Variants in ADARB2 observed in about 807,000 individuals in gnomAD.
The protein encoded by ADARB2 is adenosine deaminase RNA specific B2 (inactive).
ADARB2 carries 25 observed loss-of-function variants against 62.2 expected under a neutral mutation model. That is an observed-to-expected ratio of 0.40 (90% CI 0.29 to 0.56). ADARB2 has a LOEUF of 0.56. Among genes scored for constraint, ADARB2 ranks in the 20% least tolerant of loss-of-function variants. The probability of loss-of-function intolerance (pLI) is 0.43; values close to 1 mark genes in which losing one functional copy is unlikely to be tolerated. For missense variants in ADARB2, 1,071 were observed against 1,077.4 expected, an observed-to-expected ratio of 0.99 and a Z score of 0.08; for synonymous variants, 572 against 500.8, an observed-to-expected ratio of 1.14 and a Z score of -1.90.
chr10:1,636,153 G>C (rs574965909), intron 1 of ADARB2, among the ~76,000 whole-genome samples: 52 of 152,208 alleles, frequency 3.4e-4, no homozygotes, highest in African/African-American at 1.2e-3. Flanking sequence ...AGCGAGTTGA[G>C]GGGGGTGCAA....
intron 5 of ADARB2, among the ~76,000 whole-genome samples, chr10:1,234,918 T>G: frequency 6.6e-6 from 1 of 151,994 alleles, no homozygotes; most frequent in Non-Finnish European, 1.5e-5. Context: ...CCAGCTAATT[T>G]TTGTATTTTT....
At chr10:1,692,985 C>T (rs1405364913) in intron 1 of ADARB2, among the ~76,000 whole-genome samples, 1 of 152,156 alleles carries the variant, frequency 6.6e-6, no homozygotes, top group Admixed American at 6.5e-5. Context: ...ACTGGACCTC[C>T]CCACCCTCCA....
At chr10:1,499,663 C>T (rs556376878) in intron 1 of ADARB2, among the ~76,000 whole-genome samples, 2 of 151,978 alleles carry the variant, frequency 1.3e-5, no homozygotes, top group East Asian at 3.9e-4. Flanking sequence ...ACTCATTACT[C>T]GTCACTCACC....
chr10:1,720,370 C>T (rs994067780), intron 1 of ADARB2, among the ~76,000 whole-genome samples: 2 of 152,140 alleles, frequency 1.3e-5, no homozygotes, highest in Non-Finnish European at 2.9e-5. Context: ...ACTGGGAACA[C>T]TAGAAGGGTC....
chr10:1,372,139 G>T (rs1254540102), intron 2 of ADARB2, among the ~76,000 whole-genome samples: 1 of 152,154 alleles, frequency 6.6e-6, no homozygotes, highest in Non-Finnish European at 1.5e-5. Context: ...CATAAAAAAG[G>T]GTAAAATTAT....
chr10:1,693,565 G>T (rs1319243790), intron 1 of ADARB2, among the ~76,000 whole-genome samples: 1 of 152,124 alleles, frequency 6.6e-6, no homozygotes, highest in African/African-American at 2.4e-5. Context: ...CTGTGATATT[G>T]TTTTCCAAAA....
chr10:1,554,795 G>A (rs1301317158), intron 1 of ADARB2, among the ~76,000 whole-genome samples: 2 of 152,040 alleles, frequency 1.3e-5, no homozygotes, highest in Non-Finnish European at 2.9e-5. Context: ...GGTTGTTACC[G>A]GGGTATACTG....
intron 1 of ADARB2, among the ~76,000 whole-genome samples, chr10:1,554,121 G>A (rs1175244991): frequency 1.3e-5 from 2 of 152,132 alleles, no homozygotes; most frequent in Non-Finnish European, 2.9e-5. Flanking sequence ...CATCTCAGCG[G>A]CCCTATTTCT....
intron 1 of ADARB2, among the ~76,000 whole-genome samples, chr10:1,681,205 A>G (rs1326123062): frequency 1.3e-5 from 2 of 152,174 alleles, no homozygotes; most frequent in African/African-American, 4.8e-5. Flanking sequence ...TAGCTGATTT[A>G]TTTTGCTCAG....
intron 3 of ADARB2, among the ~76,000 whole-genome samples, chr10:1,324,934 G>C (rs1248202055): frequency 1.3e-5 from 2 of 152,210 alleles, no homozygotes; most frequent in Non-Finnish European, 2.9e-5. Flanking sequence ...GAGGCGTTGT[G>C]CTCCGGCTCT....
intron 1 of ADARB2, among the ~76,000 whole-genome samples, chr10:1,463,842 G>T (rs1831208198): frequency 7.1e-6 from 1 of 140,160 alleles, no homozygotes; most frequent in Admixed American, 7.1e-5. Context: ...AAATTAAGAG[G>T]ATAAATAACC....
Position 1,190,408 on chromosome 10 carries a change from G to A in ADARB2, c.1865-5369C>T, listed in dbSNP as rs578065539. On this transcript the variant is annotated intron_variant, in intron 8 of 9. Transcript: ENST00000381312. ...CTTCGGTGTATGGCAACACAGGAACGATACTGTGTATTCTAATGTGGTTTC... is the reference window on the plus strand; with the variant it reads ...CTTCGGTGTATGGCAACACAGGAACAATACTGTGTATTCTAATGTGGTTTC... Among the ~76,000 whole-genome samples the A allele has an allele frequency of 4.6e-5, 7 of 152,344 alleles. No individual in the cohort carries two copies. In the South Asian group the frequency reaches 1.5e-3, roughly 32 times the overall value.
At chr10:1,437,580 GT>G (rs1231511114) in intron 1 of ADARB2, among the ~76,000 whole-genome samples, 5 of 152,270 alleles carry the variant, frequency 3.3e-5, no homozygotes, top group Admixed American at 2.0e-4. Flanking sequence ...CCCTAAGAGA[GT>G]TGAGTGACTC....
At chr10:1,475,844 G>C (rs189670522) in intron 1 of ADARB2, among the ~76,000 whole-genome samples, 38 of 152,300 alleles carry the variant, frequency 2.5e-4, no homozygotes, top group African/African-American at 8.9e-4. Flanking sequence ...CGGCAATGAG[G>C]AGGGAAATGC....
intron 1 of ADARB2, among the ~76,000 whole-genome samples, chr10:1,584,675 A>G (rs1194514420): frequency 2.6e-5 from 4 of 152,210 alleles, no homozygotes; most frequent in Admixed American, 2.6e-4. Context: ...AACTGCCAAA[A>G]CTTGGAGCGA....
At chr10:1,234,049 C>T (rs1830837037) in intron 5 of ADARB2, among the ~76,000 whole-genome samples, 1 of 147,188 alleles carries the variant, frequency 6.8e-6, no homozygotes, top group South Asian at 2.2e-4. Context: ...TTGCTCACTG[C>T]AACCTCCACC....
rs7098774 is a variant in ADARB2 at position 1,180,434 on chromosome 10, C to T, written c.*2759G>A. ...TCCTGGGACCCGGGTCTTCCAGGCA[C>T]ACCTGGGGCTGTGGGAATCCTGGGA... On this transcript the variant is annotated 3_prime_UTR_variant, in exon 10 of 10. Transcript: ENST00000381312. The T allele has an allele frequency of 0.32, 47,265 of 145,824 alleles. 8,232 individuals carry two copies. Among genetic ancestry groups the T allele is most frequent in the Admixed American group, 0.39 (5,845 of 14,814 alleles). 9.0% of individuals were successfully genotyped at this position (145,824 alleles called of 1,614,324 possible). A position where few individuals can be genotyped will look rare whatever the true frequency, so the allele number is the denominator to read the frequency against.
chr10:1,648,692 G>T (rs1834074705), intron 1 of ADARB2, among the ~76,000 whole-genome samples: 1 of 152,190 alleles, frequency 6.6e-6, no homozygotes, highest in Non-Finnish European at 1.5e-5. Context: ...GGCATGTTCA[G>T]AAGATGAATC....
At chr10:1,637,714 C>A (rs549000265) in intron 1 of ADARB2, among the ~76,000 whole-genome samples, 1 of 152,286 alleles carries the variant, frequency 6.6e-6, no homozygotes, top group Admixed American at 6.5e-5. Context: ...TCTTAAACTG[C>A]AGTTTCATAC....
Sources: allele counts gnomAD v4.1 joint callset (sites outside exome capture counted in the v4.1 genomes callset), GRCh38; gene constraint gnomAD v4.1.1; transcripts MANE v1.5; gene names NCBI Gene and HGNC (gene_info 2026-07-23, HGNC 2026-07-21).